PLXNA4: variants seen among roughly 807,000 people sequenced by gnomAD.
The protein encoded by PLXNA4 is plexin-A4.
PLXNA4 carries 44 observed loss-of-function variants against 191.8 expected under a neutral mutation model. The ratio of observed to expected loss-of-function variants is 0.23; its 90% CI spans 0.18 to 0.29. The LOEUF (loss-of-function observed/expected upper bound fraction) is 0.29. Ranked by LOEUF, PLXNA4 falls within the 10% of genes least tolerant of loss-of-function variation. The pLI is 1.00. For synonymous variants in PLXNA4, 1,082 were observed against 1,009.5 expected (o/e 1.07, Z -1.36); for missense variants, 1,800 against 2,488.8 (o/e 0.72, Z 5.89).
intron 9 of PLXNA4, among the ~76,000 whole-genome samples, chr7:132,214,996 C>G (rs958946568): frequency 2.6e-4 from 40 of 152,158 alleles, no homozygotes; most frequent in African/African-American, 8.0e-4. Context: ...TCCTCCCAAC[C>G]CAGGTTGCGT....
intron 3 of PLXNA4, among the ~76,000 whole-genome samples, chr7:132,375,075 G>A (rs1418381917): frequency 6.6e-6 from 1 of 152,236 alleles, no homozygotes; most frequent in Non-Finnish European, 1.5e-5. Flanking sequence ...TAAGGCCTCT[G>A]AGGCTGATGT....
chr7:132,420,027 C>A (rs1191412717), intron 3 of PLXNA4, among the ~76,000 whole-genome samples: 1 of 152,110 alleles, frequency 6.6e-6, no homozygotes, highest in African/African-American at 2.4e-5. Flanking sequence ...ACCCTCTAGA[C>A]CACACCACAT....
intron 18 of PLXNA4, 26 bp downstream of exon 18, chr7:132,181,355 C>T (rs112850759): frequency 3.7e-6 from 6 of 1,612,720 alleles, no homozygotes; most frequent in Admixed American, 1.7e-5. Context: ...TTTTCCCACC[C>T]CCGCCTCCCA....
At chr7:132,197,857 G>T (rs1797300449) in intron 13 of PLXNA4, among the ~76,000 whole-genome samples, 1 of 152,208 alleles carries the variant, frequency 6.6e-6, no homozygotes, top group Admixed American at 6.5e-5. Flanking sequence ...AACAAAGATG[G>T]TATGGAATAT....
chr7:132,242,151 A>T (rs1126188), intron 4 of PLXNA4, among the ~76,000 whole-genome samples: 95,165 of 147,978 alleles, frequency 0.64, 30,423 homozygotes, highest in South Asian at 0.79. Flanking sequence ...TACAAAAAGT[A>T]TTTTTTTTTT....
intron 1 of PLXNA4, among the ~76,000 whole-genome samples, chr7:132,530,477 T>A (rs2116432255): frequency 6.6e-6 from 1 of 152,278 alleles, no homozygotes; most frequent in African/African-American, 2.4e-5. Context: ...AGAAGATATA[T>A]AAATGGTCAA....
intron 3 of PLXNA4, among the ~76,000 whole-genome samples, chr7:132,460,417 A>T (rs1206277639): frequency 6.6e-6 from 1 of 152,164 alleles, no homozygotes; most frequent in Non-Finnish European, 1.5e-5. Context: ...AATATTTTCA[A>T]AAATAGCTGC....
At chr7:132,202,980 A>G in intron 11 of PLXNA4, 144 bp from the exon 12 acceptor site, 1 of 871,672 alleles carries the variant, frequency 1.1e-6, no homozygotes, top group South Asian at 2.0e-5. Context: ...TTCTGATGCA[A>G]AAAAGAACCT....
intron 3 of PLXNA4, among the ~76,000 whole-genome samples, chr7:132,434,530 C>T (rs1585129690): frequency 6.6e-6 from 1 of 152,328 alleles, no homozygotes; most frequent in South Asian, 2.1e-4. Context: ...CATGCTGTTT[C>T]AAGTCTATCT....
chr7:132,226,573 C>A (rs574749728), intron 7 of PLXNA4, among the ~76,000 whole-genome samples: 1 of 152,272 alleles, frequency 6.6e-6, no homozygotes, highest in South Asian at 2.1e-4. Flanking sequence ...TGATTCATAA[C>A]CAGGAGAAAC....
Position 132,594,940 on chromosome 7 carries a change from T to C in PLXNA4, c.-87+50988A>G, listed in dbSNP as rs1802672018. Among the ~76,000 whole-genome samples, 4 of 150,530 alleles carry C rather than the reference T, an allele frequency of 2.7e-5. No homozygotes were observed. The South Asian group carries it at 8.4e-4, about 32-fold the overall frequency. On this transcript the variant is annotated intron_variant, in intron 2 of 4. Transcript: ENST00000378539. ...ATAGATAGATAGATAGATAGATAGA[T>C]AGATAGATAGATAGATAGATAGATA... is the stretch of plus-strand genomic sequence containing the variant.
At chr7:132,273,001 TTTTA>T (rs1326456407) in intron 4 of PLXNA4, among the ~76,000 whole-genome samples, 4 of 152,206 alleles carry the variant, frequency 2.6e-5, no homozygotes, top group Non-Finnish European at 4.4e-5. Context: ...GCAGGCTGTG[TTTTA>T]TTTAACTCTG....
intron 3 of PLXNA4, among the ~76,000 whole-genome samples, chr7:132,461,251 C>G (rs2117359040): frequency 6.6e-6 from 1 of 152,296 alleles, no homozygotes; most frequent in East Asian, 1.9e-4. Context: ...CTGGCCTCTT[C>G]CTCTGATCCA....
At position 132,123,626 on chromosome 7, in the gene PLXNA4, T is replaced by C. The variant is rs1184055127; in HGVS notation, c.*6853A>G. 2 of 152,144 alleles carry C rather than the reference T, an allele frequency of 1.3e-5. No individual in the cohort carries two copies. Among genetic ancestry groups the C allele is most frequent in the African/African-American group, 2.4e-5 (1 of 41,434 alleles). The allele number at this position is 152,144 out of a possible 1,614,324, so 9.4% of individuals were successfully genotyped here. A position where few individuals can be genotyped will look rare whatever the true frequency, so the allele number is the denominator to read the frequency against. On this transcript the variant is annotated 3_prime_UTR_variant, in exon 32 of 32. Transcript: ENST00000321063. Reference sequence around the variant, plus strand: ...TTCTTAGAGATCTCATCCACATACATTTGAGGCTCATTTTAACACTGTTGT... The same window carrying C: ...TTCTTAGAGATCTCATCCACATACACTTGAGGCTCATTTTAACACTGTTGT...
At chr7:132,363,643 C>G (rs1407821348) in intron 3 of PLXNA4, among the ~76,000 whole-genome samples, 1 of 152,134 alleles carries the variant, frequency 6.6e-6, no homozygotes, top group African/African-American at 2.4e-5. Context: ...GCGAGTAATT[C>G]TACTATGAAT....
chr7:132,279,179 G>C (rs967475939), intron 4 of PLXNA4, among the ~76,000 whole-genome samples: 1 of 152,206 alleles, frequency 6.6e-6, no homozygotes, highest in Non-Finnish European at 1.5e-5. Flanking sequence ...CTGGTGAGTG[G>C]TGCACACTGT....
In PLXNA4 at chr7:132,198,470, T is replaced by A; in HGVS notation, c.2738+15A>T. On this transcript the variant is annotated intron_variant, in intron 13 of 31. Transcript: ENST00000321063. ...CCTCCCCTGTTCCTCCTGTGTTGCA[T>A]GCAGCTTCACTTACTGTTCTGCAGG... 1 of 1,612,652 alleles carries A rather than the reference T, an allele frequency of 6.2e-7. No homozygotes were observed. The highest frequency in any genetic ancestry group is 8.5e-7 in the Non-Finnish European group (1 of 1,179,184).
intron 3 of PLXNA4, among the ~76,000 whole-genome samples, chr7:132,400,599 T>C (rs920341656): frequency 3.9e-5 from 6 of 152,188 alleles, no homozygotes; most frequent in African/African-American, 7.2e-5. Context: ...CACTCCTTGA[T>C]AGTTTTCAGG....
chr7:132,196,081 A>G (rs1797246208), intron 13 of PLXNA4, among the ~76,000 whole-genome samples: 1 of 152,238 alleles, frequency 6.6e-6, no homozygotes, highest in Non-Finnish European at 1.5e-5. Context: ...CACTAGTTGC[A>G]CCATTCAGAA....
Sources: gnomAD v4.1 joint callset for allele counts (sites outside exome capture counted in the v4.1 genomes callset) on GRCh38, gnomAD v4.1.1 for gene constraint, MANE v1.5 for transcripts, NCBI Gene and HGNC (gene_info 2026-07-23, HGNC 2026-07-21) for gene names.